Variants in DIS3L2 observed in about 807,000 individuals in gnomAD.
DIS3L2 encodes DIS3 like 3'-5' exoribonuclease 2.
In DIS3L2, 34 loss-of-function variants were observed where a neutral mutation model predicts 97.5. That is an observed-to-expected ratio of 0.35 (90% CI 0.27 to 0.46). The LOEUF (loss-of-function observed/expected upper bound fraction) is 0.46. Ranked by LOEUF, DIS3L2 falls within the 20% of genes least tolerant of loss-of-function variation. DIS3L2 has a pLI of 1.00. For synonymous variants in DIS3L2, 435 were observed against 445.2 expected, an observed-to-expected ratio of 0.98 and a Z score of 0.29; for missense variants, 1,038 against 1,146.0, an observed-to-expected ratio of 0.91 and a Z score of 1.36.
intron 10 of DIS3L2, among the ~76,000 whole-genome samples, chr2:232,218,127 G>A (rs1429851481): frequency 6.6e-6 from 1 of 152,190 alleles, no homozygotes; most frequent in Non-Finnish European, 1.5e-5. Context: ...AAAAGAAGCG[G>A]GTGAAAGGAG....
At chr2:232,317,885 A>C (rs1695320697) in intron 14 of DIS3L2, among the ~76,000 whole-genome samples, 1 of 152,260 alleles carries the variant, frequency 6.6e-6, no homozygotes, top group South Asian at 2.1e-4. Context: ...TAAATAAGAT[A>C]ACAAAGTTTA....
At position 232,301,530 on chromosome 2, in the gene DIS3L2, G is replaced by A. The variant is rs531847648; in HGVS notation, c.1739+1411G>A. Among the ~76,000 whole-genome samples the A allele has an allele frequency of 1.2e-4, 19 of 152,280 alleles. 1 individual carries two copies. The South Asian group carries it at 3.7e-3, about 30-fold the overall frequency. Reference sequence around the variant, plus strand: ...TTTAGGGTAGAAGAGAGGCTACCGGGTGCCCTCGTTACCACATCTCCACTG... The same window carrying A: ...TTTAGGGTAGAAGAGAGGCTACCGGATGCCCTCGTTACCACATCTCCACTG... On this transcript the variant is annotated intron_variant, in intron 14 of 20. Transcript: ENST00000325385.
intron 5 of DIS3L2, among the ~76,000 whole-genome samples, chr2:232,051,401 T>A (rs3116238): frequency 0.8 from 121,051 of 152,168 alleles, 48,799 homozygotes; most frequent in African/African-American, 0.91. Flanking sequence ...GTTTCCAAAC[T>A]TCAGAAAAAG....
At chr2:232,030,924 T>C (rs914196746) in intron 5 of DIS3L2, among the ~76,000 whole-genome samples, 2 of 152,220 alleles carry the variant, frequency 1.3e-5, no homozygotes, top group Non-Finnish European at 2.9e-5. Context: ...GTTTTATTTA[T>C]TTGAAGAATT....
intron 6 of DIS3L2, chr2:232,111,167 C>T (rs1156753134): frequency 4.3e-6 from 2 of 461,342 alleles, no homozygotes; most frequent in South Asian, 3.2e-5. Flanking sequence ...TTAGAAACAA[C>T]TGATATAGTT....
Position 232,193,600 on chromosome 2 carries a change from TCCTCTTG to T in DIS3L2, c.1125-16719_1125-16713del, listed in dbSNP as rs1691672243. On this transcript the variant is annotated intron_variant, in intron 9 of 20. Transcript: ENST00000325385. ...CTGCCTTTTGGTTCAAATTTCTGCT[TCCTCTTG>T]CCTCTTTTATGTCCCCATTTCATCT... Among the ~76,000 whole-genome samples, 4 of 152,222 alleles carry T rather than the reference TCCTCTTG, an allele frequency of 2.6e-5. 1 individual carries two copies. In the South Asian group the frequency reaches 8.3e-4, roughly 32 times the overall value.
chr2:232,092,641 A>T (rs1410656635), intron 6 of DIS3L2, among the ~76,000 whole-genome samples: 1 of 151,982 alleles, frequency 6.6e-6, no homozygotes, highest in Non-Finnish European at 1.5e-5. Flanking sequence ...TGAGTTATTT[A>T]ATTTTATTTA....
At chr2:232,066,802 T>C (rs1695867341) in intron 5 of DIS3L2, among the ~76,000 whole-genome samples, 2 of 152,048 alleles carry the variant, frequency 1.3e-5, no homozygotes, top group African/African-American at 4.8e-5. Context: ...ATTCCTATTA[T>C]TGATAACAGA....
intron 14 of DIS3L2, among the ~76,000 whole-genome samples, chr2:232,322,615 C>T (rs902052374): frequency 1.3e-5 from 2 of 152,198 alleles, no homozygotes; most frequent in African/African-American, 4.8e-5. Context: ...ACCTGGCAGC[C>T]GTTTGGGCAG....
rs550046456 is a variant in DIS3L2 at position 231,975,950 on chromosome 2, T to C, written c.-94+14185T>C. ...CCTCCTTCTTCTTCTCTCTCTCTCT[T>C]ACTCTCTTTTTCTCTCCTCTTTCTC... On this transcript the variant is annotated intron_variant, in intron 1 of 20. Coordinates refer to ENST00000325385, the MANE Select transcript of DIS3L2 (RefSeq NM_152383.5). Among the ~76,000 whole-genome samples, 14 of 152,144 alleles carry C rather than the reference T, an allele frequency of 9.2e-5. No homozygotes were observed. The East Asian group carries it at 2.3e-3, about 25-fold the overall frequency.
intron 5 of DIS3L2, among the ~76,000 whole-genome samples, chr2:232,081,603 G>C (rs1388298311): frequency 6.6e-6 from 1 of 152,060 alleles, no homozygotes; most frequent in Non-Finnish European, 1.5e-5. Flanking sequence ...TAGAATAAAT[G>C]CGTAGAATTC....
intron 16 of DIS3L2, among the ~76,000 whole-genome samples, chr2:232,332,627 G>T (rs539732342): frequency 6.6e-6 from 1 of 152,152 alleles, no homozygotes; most frequent in East Asian, 1.9e-4. Context: ...GAGACTCTCG[G>T]TATCTCCCCC....
chr2:232,136,179 TC>T (rs1698353818), intron 7 of DIS3L2, among the ~76,000 whole-genome samples: 1 of 152,230 alleles, frequency 6.6e-6, no homozygotes, highest in Admixed American at 6.5e-5. Flanking sequence ...GAGCTGTACT[TC>T]CCTGCTGGAG....
At chr2:232,086,659 A>ATATGTGTGTG (rs1553606035) in intron 5 of DIS3L2, among the ~76,000 whole-genome samples, 1 of 92,494 alleles carries the variant, frequency 1.1e-5, no homozygotes, top group Non-Finnish European at 2.0e-5. Context: ...ATATATATAT[A>ATATGTGTGTG]TGTGTGTGTG....
chr2:232,229,519 C>A (rs1170601359), intron 10 of DIS3L2, among the ~76,000 whole-genome samples: 2 of 152,228 alleles, frequency 1.3e-5, no homozygotes, highest in African/African-American at 2.4e-5. Context: ...TGCTGAAAAG[C>A]CTGGAAATTC....
At chr2:231,992,021 C>T (rs900326157) in intron 1 of DIS3L2, among the ~76,000 whole-genome samples, 4 of 152,116 alleles carry the variant, frequency 2.6e-5, no homozygotes, top group African/African-American at 9.7e-5. Context: ...GGAGGTATTA[C>T]TTTGCTGTGG....
At chr2:232,116,584 G>C (rs968234796) in intron 6 of DIS3L2, among the ~76,000 whole-genome samples, 4 of 152,128 alleles carry the variant, frequency 2.6e-5, no homozygotes, top group Non-Finnish European at 5.9e-5. Context: ...ATCTTTGCCT[G>C]ACTAATAGAC....
intron 1 of DIS3L2, among the ~76,000 whole-genome samples, chr2:231,982,974 C>G (rs1464660652): frequency 6.6e-6 from 1 of 152,138 alleles, no homozygotes; most frequent in Non-Finnish European, 1.5e-5. Context: ...GCCACTGCAC[C>G]CAGCCTCAAG....
intron 14 of DIS3L2, among the ~76,000 whole-genome samples, chr2:232,322,771 G>A (rs545901387): frequency 4.1e-4 from 62 of 152,318 alleles, no homozygotes; most frequent in African/African-American, 1.4e-3. Context: ...GGAGAGAGAC[G>A]GAGAGAAAGA....
Sources: gnomAD v4.1 joint callset for allele counts (sites outside exome capture counted in the v4.1 genomes callset) on GRCh38, gnomAD v4.1.1 for gene constraint, MANE v1.5 for transcripts, NCBI Gene and HGNC (gene_info 2026-07-23, HGNC 2026-07-21) for gene names.